CCAR2: variants seen among roughly 807,000 people sequenced by gnomAD.
CCAR2 encodes cell cycle and apoptosis regulator protein 2.
Under a neutral mutation model 108.1 loss-of-function variants are expected in CCAR2, and 21 were observed. The observed-to-expected ratio is 0.19, with a 90% CI of 0.14 to 0.28. CCAR2 has a LOEUF of 0.28. Ranked by LOEUF, CCAR2 falls within the 10% of genes least tolerant of loss-of-function variation. The pLI is 1.00. For missense variants in CCAR2, 1,126 were observed against 1,177.0 expected (o/e 0.96, Z 0.63); for synonymous variants, 577 against 472.8 (o/e 1.22, Z -2.86).
At chr8:22,608,712 C>G (rs1253856897) in intron 7 of CCAR2, among the ~76,000 whole-genome samples, 1 of 152,212 alleles carries the variant, frequency 6.6e-6, no homozygotes, top group Non-Finnish European at 1.5e-5. Context: ...CAGTCTCACT[C>G]TCCCTGAGTG....
At chr8:22,609,494 C>T (rs1247060083) in intron 7 of CCAR2, among the ~76,000 whole-genome samples, 2 of 152,130 alleles carry the variant, frequency 1.3e-5, no homozygotes, top group Admixed American at 6.5e-5. Flanking sequence ...GATTGTTTGC[C>T]ATGGGGTTTC....
At position 22,614,469 on chromosome 8, in the gene CCAR2, G is replaced by T; in HGVS notation, c.1007G>T (p.Arg336Met). ...MLFVDDMAEP[R>M]ETPEHPLKQI... ...TTTGTGGATGACATGGCTGAGCCAA[G>T]GGAGACGCCAGAGCATCCTCTGAAG... Residue 336 changes from arginine (R) to methionine (M), a missense_variant, in exon 10 of 21, where the codon AGG (arginine) becomes ATG (methionine). Arg to Met is a moderately conservative substitution (Grantham distance 91, BLOSUM62 -1). Coordinates refer to ENST00000308511, the MANE Select transcript of CCAR2 (RefSeq NM_001393997.1). The T allele has an allele frequency of 1.2e-6, 2 of 1,614,176 alleles. No homozygotes were observed. Among genetic ancestry groups the T allele is most frequent in the Non-Finnish European group, 1.7e-6 (2 of 1,180,030 alleles).
intron 10 of CCAR2, 32 bp from the exon 11 acceptor site, chr8:22,614,803 GTTT>G: frequency 1.3e-6 from 2 of 1,574,398 alleles, no homozygotes; most frequent in South Asian, 2.3e-5. Context: ...AGGTAATGTA[GTTT>G]TTTGTTTTGT....
At chr8:22,608,864 C>T (rs973738365) in intron 7 of CCAR2, among the ~76,000 whole-genome samples, 5 of 152,158 alleles carry the variant, frequency 3.3e-5, no homozygotes, top group African/African-American at 1.2e-4. Context: ...CCTTATTATA[C>T]CCATTACCCA....
downstream of CCAR2, chr8:22,621,241 G>T: frequency 1.3e-6 from 1 of 752,700 alleles, no homozygotes; most frequent in Non-Finnish European, 2.1e-6. Flanking sequence ...TGAGTGGGGA[G>T]ACGGCGGCCT....
In CCAR2 at chr8:22,619,903, CA is replaced by C; in HGVS notation, c.*223del. 2 of 582,106 alleles carry C rather than the reference CA, an allele frequency of 3.4e-6. No individual in the cohort carries two copies. Among genetic ancestry groups the C allele is most frequent in the Non-Finnish European group, 6.2e-6 (2 of 324,910 alleles). 36.1% of individuals were successfully genotyped at this position (582,106 alleles called of 1,614,324 possible). On this transcript the variant is annotated 3_prime_UTR_variant, in exon 21 of 21. Transcript: ENST00000308511. ...CCCGGTTCCACTTAACAACTAAATA[CA>C]ACATCTTTTGCACCCCTAGAATGTC...
rs1563921636 is a variant in CCAR2 at position 22,615,867 on chromosome 8, T to C, written c.1563T>C (p.His521=). 6.2e-7 allele frequency: 1 copy of C among 1,613,922 alleles called. No individual in the cohort carries two copies. Among genetic ancestry groups the C allele is most frequent in the Non-Finnish European group, 8.5e-7 (1 of 1,179,986 alleles). Residue 521 remains histidine (H), a synonymous_variant, in exon 13 of 21, where the codon CAT becomes CAC. Coordinates refer to ENST00000308511, the MANE Select transcript of CCAR2 (RefSeq NM_001393997.1). The stretch of plus-strand genomic sequence containing the variant: ...CTGGCTGTGTAAACCTGTCCCTCCA[T>C]GGGATTGTGGAGGATCGGAGGCCAA... ...ARPGCVNLSL[H]GIVEDRRPKE...
chr8:22,616,185 G>C lies in CCAR2; in HGVS notation c.1782G>C (p.Val594=). The change falls in exon 14 of 21, where the codon GTG becomes GTC. Residue 594 remains valine (V), a synonymous_variant. Transcript: ENST00000308511. ...TKEEEAIKEE[V]VKEPKDEAQN... Reference sequence around the variant, plus strand: ...AGGAAGAAGCCATCAAAGAGGAGGTGGTCAAGGAGCCCAAGGATGAGGCAC... The same window carrying C: ...AGGAAGAAGCCATCAAAGAGGAGGTCGTCAAGGAGCCCAAGGATGAGGCAC... The C allele has an allele frequency of 6.2e-7, 1 of 1,613,846 alleles. No individual in the cohort carries two copies. Among genetic ancestry groups the C allele is most frequent in the Admixed American group, 1.7e-5 (1 of 59,992 alleles).
intron 6 of CCAR2, among the ~76,000 whole-genome samples, chr8:22,607,594 C>T (rs1160833764): frequency 2.6e-5 from 4 of 151,382 alleles, no homozygotes; most frequent in Admixed American, 6.6e-5. Context: ...CAGCTTCCCC[C>T]GTAGCTGGGA....
Position 22,616,215 on chromosome 8 carries a change from TGAGGGCCCGGCTACAGAGTCA to T in CCAR2, c.1817_1837del (p.Gly606_Glu612del). The T allele has an allele frequency of 2.5e-6, 4 of 1,613,278 alleles. No homozygotes were observed. The highest frequency in any genetic ancestry group is 2.5e-6 in the Non-Finnish European group (3 of 1,180,002). ...AGGAGCCCAAGGATGAGGCACAGAATGAGGGCCCGGCTACAGAGTCAGAGGCCCCGCTGGTGAGTACCCTGC... is the reference window on the plus strand; with the variant it reads ...AGGAGCCCAAGGATGAGGCACAGAATGAGGCCCCGCTGGTGAGTACCCTGC... On this transcript the variant is annotated inframe_deletion, in exon 14 of 21. Coordinates refer to ENST00000308511, the MANE Select transcript of CCAR2 (RefSeq NM_001393997.1).
At chr8:22,607,627 C>A (rs771949166) in intron 6 of CCAR2, among the ~76,000 whole-genome samples, 1 of 151,824 alleles carries the variant, frequency 6.6e-6, no homozygotes, top group African/African-American at 2.4e-5. Context: ...GCCACCATGA[C>A]CGGCTAATTT....
In CCAR2 at chr8:22,619,142, C is replaced by T. The variant is rs755668474; in HGVS notation, c.2522-8C>T. 1.9e-6 allele frequency: 3 copies of T among 1,604,232 alleles called. No individual in the cohort carries two copies. Among genetic ancestry groups the T allele is most frequent in the East Asian group, 4.5e-5 (2 of 44,620 alleles). On this transcript the variant is annotated splice_polypyrimidine_tract_variant and splice_region_variant and intron_variant, in intron 19 of 20. Coordinates refer to ENST00000308511, the MANE Select transcript of CCAR2 (RefSeq NM_001393997.1). ...GCAGCCGTCCCCGTTTCCTTCTCCA[C>T]CTTGCAGAGGAGAGCCATAACCGTT...
chr8:22,612,806 T>C (rs1801342021), intron 7 of CCAR2: 2 of 506,432 alleles, frequency 3.9e-6, no homozygotes, highest in Admixed American at 4.0e-5. Flanking sequence ...TGTTGCAGAG[T>C]GTGCTTTTTG....
At chr8:22,614,341 T>G in intron 9 of CCAR2, 27 bp downstream of exon 9, 1 of 1,613,962 alleles carries the variant, frequency 6.2e-7, no homozygotes, top group African/African-American at 1.3e-5. Context: ...CTCTCACTTA[T>G]CTGATTTCTG....
chr8:22,608,098 TGTTGACACTAACATTC>T, intron 7 of CCAR2, 33 bp downstream of exon 7: 1 of 1,467,952 alleles, frequency 6.8e-7, no homozygotes, highest in Non-Finnish European at 9.5e-7. Flanking sequence ...TTTGGCCACT[TGTTGACACTAACATTC>T]TCTTTATTTT....
At chr8:22,615,622 G>A (rs202173071) in intron 12 of CCAR2, 26 bp downstream of exon 12, 33 of 1,613,390 alleles carry the variant, frequency 2.0e-5, no homozygotes, top group African/African-American at 5.3e-5. Flanking sequence ...AGCCAGCAGC[G>A]GGGGATATAG....
At position 22,618,499 on chromosome 8, in the gene CCAR2, CCTT is replaced by C. The variant is rs1563927550; in HGVS notation, c.2220+8_2220+10del. Reference sequence around the variant, plus strand: ...GATCCGGCTCAGTGCAGAGCAGGTACCTTCTTTCCTCTGCCCCAGCACATGGGC... The same window carrying C: ...GATCCGGCTCAGTGCAGAGCAGGTACCTTTCCTCTGCCCCAGCACATGGGC... On this transcript the variant is annotated splice_donor_5th_base_variant and intron_variant, in intron 17 of 20. Coordinates refer to ENST00000308511, the MANE Select transcript of CCAR2 (RefSeq NM_001393997.1). 1 of 1,614,202 alleles carries C rather than the reference CCTT, an allele frequency of 6.2e-7. No individual in the cohort carries two copies. Among genetic ancestry groups the C allele is most frequent in the East Asian group, 2.2e-5 (1 of 44,876 alleles).
chr8:22,605,022 G>T, intron 1 of CCAR2, 180 bp downstream of exon 1: 1 of 302,108 alleles, frequency 3.3e-6, no homozygotes, highest in Non-Finnish European at 6.5e-6. Context: ...CGGGCGGGAG[G>T]AGGAGAAACC....
At chr8:22,608,092 G>A (rs368115394) in intron 7 of CCAR2, 27 bp downstream of exon 7, 3 of 1,542,434 alleles carry the variant, frequency 1.9e-6, no homozygotes, top group Non-Finnish European at 8.9e-7. Context: ...CCTTTTTTTG[G>A]CCACTTGTTG....
Sources: allele counts gnomAD v4.1 joint callset (sites outside exome capture counted in the v4.1 genomes callset), GRCh38; gene constraint gnomAD v4.1.1; transcripts MANE v1.5; gene names NCBI Gene and HGNC (gene_info 2026-07-23, HGNC 2026-07-21).